The following GNAO1 variants were observed in gnomAD, a reference collection of about 807,000 sequenced individuals.
GNAO1 encodes the protein G protein subunit alpha o1.
For synonymous variants in GNAO1, 164 were observed against 180.7 expected (o/e 0.91, Z 0.74); for missense variants, 166 against 478.7 (o/e 0.35, Z 6.10).
chr16:56,214,628 C>T (rs1246172071), intron 2 of GNAO1, among the ~76,000 whole-genome samples: 1 of 152,204 alleles, frequency 6.6e-6, no homozygotes, highest in African/African-American at 2.4e-5. Context: ...GTAGTGCTAA[C>T]CTCAAGTCTG....
intron 2 of GNAO1, chr16:56,192,980 G>A (rs113634210): frequency 0.018 from 3,768 of 210,438 alleles, 81 homozygotes; most frequent in African/African-American, 0.046. Flanking sequence ...CTGTGTCTCT[G>A]TTTCATTCTG....
chr16:56,324,964 A>C (rs905380897), intron 3 of GNAO1, among the ~76,000 whole-genome samples: 13 of 152,320 alleles, frequency 8.5e-5, no homozygotes, highest in Admixed American at 1.3e-4. Flanking sequence ...TTGGCCTCAC[A>C]CTTCTTTTGT....
At chr16:56,319,005 C>T (rs953706082) in intron 3 of GNAO1, among the ~76,000 whole-genome samples, 7 of 152,188 alleles carry the variant, frequency 4.6e-5, no homozygotes, top group African/African-American at 1.2e-4. Flanking sequence ...ACTTGGGTCA[C>T]ACAATGAAAA....
In GNAO1 at chr16:56,276,057, T is replaced by A. The variant is rs199632176; in HGVS notation, c.288T>A (p.Gly96=). 6.2e-7 allele frequency: 1 copy of A among 1,613,700 alleles called. No homozygotes were observed. Among genetic ancestry groups the A allele is most frequent in the Admixed American group, 1.7e-5 (1 of 59,958 alleles). ...RAMDTLGIEY[G]DKERKADAKM... is the part of the protein sequence containing the mutation. ...TGGACACTTTGGGCATCGAATATGG[T>A]GATAAGGAGAGAAAGGTAGGCCCCT... The change falls in exon 3 of 9, where the codon GGT becomes GGA. Residue 96 remains glycine, a synonymous_variant. Transcript: ENST00000262493.
chr16:56,321,261 A>C (rs1328171910), intron 3 of GNAO1, among the ~76,000 whole-genome samples: 3 of 152,228 alleles, frequency 2.0e-5, no homozygotes, highest in Non-Finnish European at 4.4e-5. Flanking sequence ...ATGGATTTTT[A>C]AAAGCAGGGG....
Position 56,351,354 on chromosome 16 carries a change from G to C in GNAO1, c.724-30G>C, listed in dbSNP as rs1406036477. On this transcript the variant is annotated intron_variant, in intron 6 of 8. Transcript: ENST00000262493. The surrounding 1 kb of genome is among the most constrained non-coding windows in gnomAD (Gnocchi z 6.1). ...TCTCTGTGTCTCCCTCCCGCTGTCT[G>C]TCCTCTCTCCTCCCTTCCTGCGGCC... 1 of 1,577,836 alleles carries C rather than the reference G, an allele frequency of 6.3e-7. No individual in the cohort carries two copies. Among genetic ancestry groups the C allele is most frequent in the Non-Finnish European group, 8.7e-7 (1 of 1,148,718 alleles).
chr16:56,355,823 C>T (rs1010201847), intron 8 of GNAO1: 9 of 152,340 alleles, frequency 5.9e-5, no homozygotes, highest in African/African-American at 1.7e-4. Flanking sequence ...AAACCAGCCC[C>T]GCTCCAAGAG....
At chr16:56,284,704 A>G (rs1335332388) in intron 3 of GNAO1, among the ~76,000 whole-genome samples, 1 of 152,132 alleles carries the variant, frequency 6.6e-6, no homozygotes, top group African/African-American at 2.4e-5. Flanking sequence ...AGAACAGGTC[A>G]GTCTTGTTCA....
At chr16:56,262,676 A>G (rs1329938312) in intron 2 of GNAO1, among the ~76,000 whole-genome samples, 2 of 152,246 alleles carry the variant, frequency 1.3e-5, no homozygotes, top group African/African-American at 4.8e-5. Context: ...TATACTAAAC[A>G]TAATGTACTA....
At position 56,197,664 on chromosome 16, in the gene GNAO1, G is replaced by A. The variant is rs565310569; in HGVS notation, c.161+5048G>A. ...ACATGGCTGGAAAAGAATGCAGAAC[G>A]TCTGTTCTATGTGTGAACAGGGCTG... is the stretch of plus-strand genomic sequence containing the variant. On this transcript the variant is annotated intron_variant, in intron 2 of 8. Coordinates refer to ENST00000262493, the MANE Select transcript of GNAO1 (RefSeq NM_020988.3). Among the ~76,000 whole-genome samples the A allele has an allele frequency of 3.9e-5, 6 of 152,320 alleles. No individual in the cohort carries two copies. In the East Asian group the frequency reaches 9.6e-4, roughly 24 times the overall value.
At chr16:56,329,871 G>A (rs1352664028) in intron 4 of GNAO1, among the ~76,000 whole-genome samples, 5 of 152,234 alleles carry the variant, frequency 3.3e-5, no homozygotes, top group Non-Finnish European at 7.3e-5. Context: ...GCAGCTAGCA[G>A]GTAGAGGCCA....
intron 2 of GNAO1, among the ~76,000 whole-genome samples, chr16:56,228,580 G>A (rs1301947891): frequency 6.6e-6 from 1 of 152,132 alleles, no homozygotes; most frequent in Non-Finnish European, 1.5e-5. Flanking sequence ...TATGGATCCT[G>A]ACTCACACCT....
At chr16:56,196,997 T>C (rs769472641) in intron 2 of GNAO1, among the ~76,000 whole-genome samples, 10 of 152,208 alleles carry the variant, frequency 6.6e-5, no homozygotes, top group Non-Finnish European at 7.3e-5. Context: ...GACTTTGTAA[T>C]TAGGGTATCT....
intron 2 of GNAO1, among the ~76,000 whole-genome samples, chr16:56,228,439 A>G (rs1056523194): frequency 7.3e-5 from 11 of 151,072 alleles, no homozygotes; most frequent in African/African-American, 1.7e-4. Context: ...GTGTGTGTGT[A>G]TATATATATA....
At chr16:56,273,393 ATT>A (rs1422406279) in intron 2 of GNAO1, among the ~76,000 whole-genome samples, 6 of 152,076 alleles carry the variant, frequency 3.9e-5, no homozygotes, top group African/African-American at 1.2e-4. Flanking sequence ...AATGTCTTCC[ATT>A]TCTTTCCTCA....
At chr16:56,313,784 A>T (rs1377102592) in intron 3 of GNAO1, among the ~76,000 whole-genome samples, 1 of 152,134 alleles carries the variant, frequency 6.6e-6, no homozygotes, top group Non-Finnish European at 1.5e-5. Context: ...GTGCAGTGGC[A>T]CGATGACAAC....
At chr16:56,322,392 C>T (rs550276222) in intron 3 of GNAO1, among the ~76,000 whole-genome samples, 1 of 152,214 alleles carries the variant, frequency 6.6e-6, no homozygotes, top group Admixed American at 6.5e-5. Flanking sequence ...CCACACACAA[C>T]CCATAGGCCC....
intron 2 of GNAO1, among the ~76,000 whole-genome samples, chr16:56,220,979 C>T (rs1458281921): frequency 1.3e-5 from 2 of 152,092 alleles, no homozygotes; most frequent in South Asian, 2.1e-4. Flanking sequence ...AACTCCTGAC[C>T]TCGTGATCCA....
In GNAO1 at chr16:56,354,554, T is replaced by G. The variant is rs2037951508; in HGVS notation, c.878-312T>G. Among the ~76,000 whole-genome samples the G allele has an allele frequency of 6.6e-6, 1 of 152,152 alleles. No individual in the cohort carries two copies. Among genetic ancestry groups the G allele is most frequent in the Non-Finnish European group, 1.5e-5 (1 of 68,026 alleles). On this transcript the variant is annotated intron_variant, in intron 7 of 8. Transcript: ENST00000262493. This position sits in a 1 kb window ranked among gnomAD's most constrained non-coding sequence, Gnocchi z 4.3. Reference sequence around the variant, plus strand: ...AGCTGGGCGTGGTGGCACGCGCCTGTATTACCAGCTACTCAGGAGGCTGAG... The same window carrying G: ...AGCTGGGCGTGGTGGCACGCGCCTGGATTACCAGCTACTCAGGAGGCTGAG...
Sources: allele counts gnomAD v4.1 joint callset (sites outside exome capture counted in the v4.1 genomes callset), GRCh38; gene constraint gnomAD v4.1.1; non-coding constraint Gnocchi (gnomAD v3.1); transcripts MANE v1.5; gene names NCBI Gene and HGNC (gene_info 2026-07-23, HGNC 2026-07-21).